LYSMD1: variants seen among roughly 807,000 people sequenced by gnomAD.
LYSMD1 encodes the protein LysM domain containing 1.
A neutral mutation model predicts 19.3 loss-of-function variants in LYSMD1; 9 were observed. The ratio of observed to expected loss-of-function variants is 0.47; its 90% confidence interval spans 0.28 to 0.81. LYSMD1 has a LOEUF of 0.81. Among genes scored for constraint, LYSMD1 ranks in the 40% least tolerant of loss-of-function variants. The pLI is 0.11. For missense variants in LYSMD1, 262 were observed against 279.8 expected, an observed-to-expected ratio of 0.94 and a Z score of 0.45; for synonymous variants, 111 against 111.7, an observed-to-expected ratio of 0.99 and a Z score of 0.04.
chr1:151,159,155 C>A, downstream of LYSMD1: 1 of 1,614,210 alleles, frequency 6.2e-7, no homozygotes, highest in African/African-American at 1.3e-5. Flanking sequence ...TTCTCTGACC[C>A]AGGTCTGCTC....
At chr1:151,164,531 A>C (rs186986471) in intron 1 of LYSMD1, among the ~76,000 whole-genome samples, 2 of 152,260 alleles carry the variant, frequency 1.3e-5, no homozygotes, top group Admixed American at 1.3e-4. Context: ...CCTGTTTTGC[A>C]CAAAGGAGGC....
chr1:151,154,776 G>T (rs1471206431), downstream of LYSMD1, among the ~76,000 whole-genome samples: 1 of 152,072 alleles, frequency 6.6e-6, no homozygotes, highest in Non-Finnish European at 1.5e-5. Flanking sequence ...TTCCCGAGTA[G>T]CTGGGACTAC....
At chr1:151,151,356 A>ATT in the LYSMD1 span, among the ~76,000 whole-genome samples, 2 of 137,576 alleles carry the variant, frequency 1.5e-5, no homozygotes, top group African/African-American at 2.7e-5. Context: ...TGCCCAGCTA[A>ATT]TTTTTTTTTT....
At chr1:151,156,100 CAAAAAAAAAAAAAAAA>C (rs751524835), downstream of LYSMD1, among the ~76,000 whole-genome samples, 1 of 38,124 alleles carries the variant, frequency 2.6e-5, no homozygotes, top group South Asian at 1.9e-3. Context: ...AACTCTGTCT[CAAAAAAAAAAAAAAAA>C]AAAAAAAAAA....
chr1:151,151,201 G>GTT, the LYSMD1 span, among the ~76,000 whole-genome samples: 1 of 150,514 alleles, frequency 6.6e-6, no homozygotes, highest in Admixed American at 6.6e-5. Context: ...GTTTTGTTTT[G>GTT]TTTTGTTTTG....
chr1:151,164,097 T>C lies in LYSMD1; in HGVS notation c.180+982A>G, dbSNP rs189615827. On this transcript the variant is annotated intron_variant, in intron 1 of 2. Transcript: ENST00000368908. ...TTAGTAGAGACAGGGTTTCACCATG[T>C]TGGCCAGACTGGTCTCGTACTCGTA... Among the ~76,000 whole-genome samples, 21 of 152,152 alleles carry C rather than the reference T, an allele frequency of 1.4e-4. No homozygotes were observed. In the East Asian group the frequency reaches 2.7e-3, roughly 20 times the overall value.
chr1:151,151,401 G>A, the LYSMD1 span, among the ~76,000 whole-genome samples: 7 of 147,902 alleles, frequency 4.7e-5, no homozygotes, highest in African/African-American at 7.5e-5. Context: ...GGGTTTCACC[G>A]TGTTAGCCAG....
chr1:151,149,521 G>T, the LYSMD1 span, among the ~76,000 whole-genome samples: 1 of 152,132 alleles, frequency 6.6e-6, no homozygotes, highest in African/African-American at 2.4e-5. Context: ...AGGCTGAGGC[G>T]GGTGGATTGC....
At chr1:151,161,276 T>A (rs1381831492) in intron 2 of LYSMD1, among the ~76,000 whole-genome samples, 2 of 152,126 alleles carry the variant, frequency 1.3e-5, no homozygotes, top group East Asian at 1.9e-4. Context: ...GGCTGGCGGA[T>A]CACGAGGTCA....
At chr1:151,158,568 G>A, downstream of LYSMD1, 1 of 950,734 alleles carries the variant, frequency 1.1e-6, no homozygotes, top group Non-Finnish European at 1.6e-6. Flanking sequence ...CGGAGAGGAT[G>A]ACAAACAAAG....
At chr1:151,149,616 C>T in the LYSMD1 span, among the ~76,000 whole-genome samples, 8 of 151,494 alleles carry the variant, frequency 5.3e-5, no homozygotes, top group Admixed American at 1.3e-4. Context: ...CCGGGCGTGG[C>T]GGTGTGCGCC....
chr1:151,156,330 A>C (rs1399822240), downstream of LYSMD1, among the ~76,000 whole-genome samples: 1 of 152,114 alleles, frequency 6.6e-6, no homozygotes, highest in African/African-American at 2.4e-5. Flanking sequence ...AATCTTCAGA[A>C]CTTTTCCCAC....
rs1331757069 is a variant in LYSMD1, at chr1:151,160,967, C to T, written c.599G>A (p.Arg200Gln). Reference protein sequence around the residue: ...LHLSSPWMQQRAVLGPVPLTR... With the variant: ...LHLSSPWMQQQAVLGPVPLTR... ...CAGCGGCACAGGACCTAGGACTGCT[C>T]GTTGCTGCATCCAAGGGGAGCTCAG... is the stretch of plus-strand genomic sequence containing the variant. Residue 200 changes from arginine to glutamine, a missense_variant, in exon 3 of 3, where the codon CGA (arginine) becomes CAA (glutamine). Coordinates refer to ENST00000368908, the MANE Select transcript of LYSMD1 (RefSeq NM_212551.5). 5.0e-6 allele frequency: 8 copies of T among 1,614,036 alleles called. No individual in the cohort carries two copies. The highest frequency in any genetic ancestry group is 4.4e-5 in the South Asian group (4 of 91,076).
In LYSMD1 at chr1:151,161,845, G is replaced by C. The variant is rs138522958; in HGVS notation, c.436C>G (p.Pro146Ala). ...EVLPTPGQET[P>A]TPIHDLSASD... ...GCAGAGAGGTCATGGATGGGCGTGG[G>C]GGTTTCCTGGCCAGGTGTGGGGAGG... Residue 146 changes from proline to alanine, a missense_variant, in exon 2 of 3, where the codon CCC becomes GCC. Pro to Ala is a conservative substitution (Grantham distance 27). Transcript: ENST00000368908. 3 of 1,613,954 alleles carry C rather than the reference G, an allele frequency of 1.9e-6. No homozygotes were observed. In the African/African-American group the frequency reaches 4.0e-5, roughly 22 times the overall value.
chr1:151,149,317 A>G, the LYSMD1 span, among the ~76,000 whole-genome samples: 1 of 152,008 alleles, frequency 6.6e-6, no homozygotes, highest in African/African-American at 2.4e-5. Context: ...AATTGCTTGA[A>G]CTCAGGTGAC....
At position 151,162,074 on chromosome 1, in the gene LYSMD1, G is replaced by A. The variant is rs1266299390; in HGVS notation, c.207C>T (p.Arg69=). ...GGAAGATGGAGTCATTAGTATAAAG[G>A]CGGTTTGCACGTTTAATCTGTTCCA... The part of the protein sequence containing the change: ...VTMEQIKRAN[R]LYTNDSIFLK... The change falls in exon 2 of 3, where the codon CGC becomes CGT. Residue 69 remains arginine, a synonymous_variant. Coordinates refer to ENST00000368908, the MANE Select transcript of LYSMD1 (RefSeq NM_212551.5). The A allele has an allele frequency of 1.9e-6, 3 of 1,604,514 alleles. No individual in the cohort carries two copies. The highest frequency in any genetic ancestry group is 1.1e-5 in the South Asian group (1 of 89,236).
chr1:151,156,303 C>T (rs1683221415), downstream of LYSMD1, among the ~76,000 whole-genome samples: 1 of 152,008 alleles, frequency 6.6e-6, no homozygotes, highest in Non-Finnish European at 1.5e-5. Flanking sequence ...AATACTTGCC[C>T]CACAGCACCA....
chr1:151,165,156 C>T lies in LYSMD1; in HGVS notation c.103G>A (p.Val35Met). ...GSLVQSACSP[V>M]RERRLEHQLE... The stretch of plus-strand genomic sequence containing the variant: ...TGATGCTCCAGGCGTCTTTCCCTCA[C>T]TGGGGAGCAGGCCGATTGCACCAGG... Residue 35 changes from valine (V) to methionine (M), a missense_variant, in exon 1 of 3, where the codon GTG becomes ATG. Transcript: ENST00000368908. 1 of 1,614,226 alleles carries T rather than the reference C, an allele frequency of 6.2e-7. No homozygotes were observed. The highest frequency in any genetic ancestry group is 8.5e-7 in the Non-Finnish European group (1 of 1,180,036).
chr1:151,159,133 G>T (rs182411769), downstream of LYSMD1: 6 of 1,614,184 alleles, frequency 3.7e-6, no homozygotes, highest in East Asian at 1.3e-4. Context: ...CATCCGCCAC[G>T]TGTTTGATCA....
Sources: allele counts gnomAD v4.1 joint callset (sites outside exome capture counted in the v4.1 genomes callset), GRCh38; gene constraint gnomAD v4.1.1; transcripts MANE v1.5; gene names NCBI Gene and HGNC (gene_info 2026-07-23, HGNC 2026-07-21).